Variants in TOPAZ1 observed in about 807,000 individuals in gnomAD.
The protein encoded by TOPAZ1 is testis and ovary specific TOPAZ 1, also known as protein TOPAZ1.
Under a neutral mutation model 172.2 loss-of-function variants are expected in TOPAZ1, and 66 were observed. The ratio of observed to expected loss-of-function variants is 0.38; its 90% confidence interval spans 0.31 to 0.47. The LOEUF is 0.47. Ranked by LOEUF, TOPAZ1 falls within the 20% of genes least tolerant of loss-of-function variation. TOPAZ1 has a pLI of 0.99. For missense variants in TOPAZ1, 1,822 were observed against 1,972.4 expected (o/e 0.92, Z 1.44); for synonymous variants, 681 against 683.9 (o/e 1.00, Z 0.07).
At chr3:44,265,247 A>G (rs1367389292) in intron 5 of TOPAZ1, among the ~76,000 whole-genome samples, 1 of 152,216 alleles carries the variant, frequency 6.6e-6, no homozygotes, top group African/African-American at 2.4e-5. Flanking sequence ...TGCAGAATAG[A>G]TGTTGTGTTA....
At chr3:44,313,822 T>C (rs1446775090) in intron 16 of TOPAZ1, among the ~76,000 whole-genome samples, 1 of 152,150 alleles carries the variant, frequency 6.6e-6, no homozygotes. Flanking sequence ...AACCCTAATC[T>C]AGCTATTCAG....
intron 8 of TOPAZ1, among the ~76,000 whole-genome samples, chr3:44,273,295 G>A (rs1699917822): frequency 6.6e-6 from 1 of 152,156 alleles, no homozygotes; most frequent in African/African-American, 2.4e-5. Context: ...ACACACTGAA[G>A]CCTTTCTGTG....
At chr3:44,302,476 C>T (rs1234354666) in intron 12 of TOPAZ1, among the ~76,000 whole-genome samples, 1 of 152,130 alleles carries the variant, frequency 6.6e-6, no homozygotes, top group Non-Finnish European at 1.5e-5. Flanking sequence ...CCACCTTCAT[C>T]GTATACTAAA....
At chr3:44,328,080 A>G (rs1196929534) in intron 18 of TOPAZ1, among the ~76,000 whole-genome samples, 170 bp from the exon 19 acceptor site, 2 of 152,216 alleles carry the variant, frequency 1.3e-5, no homozygotes. Flanking sequence ...AAAGCACTTT[A>G]CAAAGAATAA....
intron 8 of TOPAZ1, among the ~76,000 whole-genome samples, chr3:44,280,306 C>CT (rs1394933214): frequency 1.8e-4 from 26 of 146,982 alleles, no homozygotes; most frequent in East Asian, 6.0e-4. Context: ...CCTTTCCTTT[C>CT]TTTTTTTTCC....
At chr3:44,302,351 A>G (rs141655342) in intron 12 of TOPAZ1, among the ~76,000 whole-genome samples, 1,781 of 152,310 alleles carry the variant, frequency 0.012, 17 homozygotes, top group Non-Finnish European at 0.019. Flanking sequence ...CGGAGCTTGC[A>G]GTGAGCCGAG....
At chr3:44,264,350 T>G (rs1005356846) in intron 5 of TOPAZ1, among the ~76,000 whole-genome samples, 9 of 152,046 alleles carry the variant, frequency 5.9e-5, no homozygotes, top group Non-Finnish European at 2.9e-5. Flanking sequence ...TTTTTTTGTT[T>G]CCTAGTGCGT....
chr3:44,277,685 G>A (rs777507195), intron 8 of TOPAZ1, among the ~76,000 whole-genome samples: 1 of 152,206 alleles, frequency 6.6e-6, no homozygotes, highest in Non-Finnish European at 1.5e-5. Flanking sequence ...CCTGGTGGAA[G>A]GTGTTTGGGT....
intron 7 of TOPAZ1, among the ~76,000 whole-genome samples, chr3:44,269,751 C>T (rs1398634040): frequency 6.6e-6 from 1 of 151,898 alleles, no homozygotes. Flanking sequence ...CCTGCCTCAG[C>T]CTCCTGAGTA....
rs151147326 is a variant in TOPAZ1 at position 44,273,579 on chromosome 3, A to T, written c.3372+2769A>T. ...GTTTGGCATTCATCAACTTACAATCACTTGTCAGTGTATTTGTCAAATTTC... is the reference window on the plus strand; with the variant it reads ...GTTTGGCATTCATCAACTTACAATCTCTTGTCAGTGTATTTGTCAAATTTC... On this transcript the variant is annotated intron_variant, in intron 8 of 19. Transcript: ENST00000309765. Among the ~76,000 whole-genome samples the T allele has an allele frequency of 1.6e-4, 25 of 152,246 alleles. No homozygotes were observed. The East Asian group carries it at 4.6e-3, about 28-fold the overall frequency.
intron 16 of TOPAZ1, among the ~76,000 whole-genome samples, chr3:44,315,418 G>A (rs1466008993): frequency 6.6e-6 from 1 of 151,726 alleles, no homozygotes; most frequent in Non-Finnish European, 1.5e-5. Context: ...CCAGGCTGGA[G>A]TGCAATGGCA....
At chr3:44,289,700 A>C (rs1480856847) in intron 11 of TOPAZ1, among the ~76,000 whole-genome samples, 6 of 152,130 alleles carry the variant, frequency 3.9e-5, no homozygotes, top group Admixed American at 1.3e-4. Context: ...TCTAACAGCC[A>C]AATTACAGCA....
chr3:44,260,990 A>T (rs1467999882), intron 4 of TOPAZ1, among the ~76,000 whole-genome samples: 1 of 149,662 alleles, frequency 6.7e-6, no homozygotes, highest in African/African-American at 2.5e-5. Flanking sequence ...TTTTTGTTTC[A>T]TTGATTGCTA....
At chr3:44,273,930 T>C (rs1387253906) in intron 8 of TOPAZ1, among the ~76,000 whole-genome samples, 1 of 152,172 alleles carries the variant, frequency 6.6e-6, no homozygotes. Context: ...ATATGTCAGA[T>C]TCTGTTTCAA....
chr3:44,308,845 T>C (rs2125700974), intron 15 of TOPAZ1, among the ~76,000 whole-genome samples: 1 of 152,208 alleles, frequency 6.6e-6, no homozygotes, highest in East Asian at 1.9e-4. Flanking sequence ...AAACTAAACA[T>C]ATCCCTTTAA....
chr3:44,263,715 A>T (rs1699799672), intron 5 of TOPAZ1, among the ~76,000 whole-genome samples: 1 of 152,210 alleles, frequency 6.6e-6, no homozygotes, highest in Non-Finnish European at 1.5e-5. Flanking sequence ...AAAACTTATT[A>T]GAATTATTTT....
downstream of TOPAZ1, among the ~76,000 whole-genome samples, chr3:44,335,862 T>A (rs990272031): frequency 9.9e-5 from 15 of 152,178 alleles, no homozygotes; most frequent in African/African-American, 3.4e-4. Context: ...GTTTTGCTAT[T>A]AACTCAAAGG....
At chr3:44,287,092 C>T (rs1306910349) in intron 9 of TOPAZ1, among the ~76,000 whole-genome samples, 1 of 152,182 alleles carries the variant, frequency 6.6e-6, no homozygotes, top group Non-Finnish European at 1.5e-5. Flanking sequence ...GGGAGCTTGA[C>T]TCTGTAGGAG....
intron 16 of TOPAZ1, among the ~76,000 whole-genome samples, chr3:44,320,001 A>G (rs1483142649): frequency 1.3e-5 from 2 of 152,216 alleles, no homozygotes; most frequent in African/African-American, 2.4e-5. Flanking sequence ...GATTGAGTAA[A>G]TTAGGTAAAT....
Sources: allele counts gnomAD v4.1 joint callset (sites outside exome capture counted in the v4.1 genomes callset), GRCh38; gene constraint gnomAD v4.1.1; transcripts MANE v1.5; gene names NCBI Gene and HGNC (gene_info 2026-07-23, HGNC 2026-07-21).